TMEM184A: variants seen among roughly 807,000 people sequenced by gnomAD.
TMEM184A encodes sexually dimorphic, expressed in male gonads 1.
In TMEM184A, 40 loss-of-function variants were observed where a neutral mutation model predicts 39.5. The observed-to-expected ratio is 1.01, with a 90% CI of 0.79 to 1.32. TMEM184A has a LOEUF of 1.32. Among genes scored for constraint, TMEM184A ranks in the 40% most tolerant of loss-of-function variants. The pLI, the probability that TMEM184A is intolerant of heterozygous loss-of-function variation, is 0.00. For synonymous variants in TMEM184A, 280 were observed against 252.3 expected (o/e 1.11, Z -1.04); for missense variants, 603 against 568.8 (o/e 1.06, Z -0.61).
intron 8 of TMEM184A, among the ~76,000 whole-genome samples, 168 bp downstream of exon 8, chr7:1,547,574 G>A (rs1415599243): frequency 2.0e-5 from 3 of 152,046 alleles, no homozygotes; most frequent in Non-Finnish European, 2.9e-5. Context: ...GTCCGGGACC[G>A]CCTGGACCCC....
chr7:1,544,983 G>A lies in TMEM184A; in HGVS notation c.*1969C>T. 6.6e-6 allele frequency: 1 copy of A among 152,384 alleles called. No homozygotes were observed. The highest frequency in any genetic ancestry group is 1.5e-5 in the Non-Finnish European group (1 of 68,074). 9.4% of individuals were successfully genotyped at this position (152,384 alleles called of 1,614,324 possible). ...CTCAGCCCCTGACACCTCAGCCTCTGCCGCCCGGAGCCCAGGCGGTGTCTG... is the reference window on the plus strand; with the variant it reads ...CTCAGCCCCTGACACCTCAGCCTCTACCGCCCGGAGCCCAGGCGGTGTCTG... On this transcript the variant is annotated 3_prime_UTR_variant, in exon 9 of 9. Transcript: ENST00000297477.
chr7:1,548,066 C>A, intron 7 of TMEM184A, 127 bp from the exon 8 acceptor site: 1 of 1,097,030 alleles, frequency 9.1e-7, no homozygotes, highest in East Asian at 2.6e-5. Flanking sequence ...CGTCCCACCC[C>A]AGGAGACTGA....
rs960727252 is a variant in TMEM184A at position 1,546,755 on chromosome 7, CCT to C, written c.*195_*196del. 3.8e-6 allele frequency: 2 copies of C among 529,058 alleles called. No individual in the cohort carries two copies. The highest frequency in any genetic ancestry group is 6.6e-6 in the Non-Finnish European group (2 of 301,854). The allele number at this position is 529,058 out of a possible 1,614,324, so 32.8% of individuals were successfully genotyped here. On this transcript the variant is annotated 3_prime_UTR_variant, in exon 9 of 9. Coordinates refer to ENST00000297477, the MANE Select transcript of TMEM184A (RefSeq NM_001097620.2). ...GCCCTCTCCTGCGGTGGCGGGCCCA[CCT>C]GGGTGCCTGCCAGGGCCATCAGGTG...
Position 1,555,166 on chromosome 7 carries a change from A to T in TMEM184A, c.219+100T>A. 1.0e-6 allele frequency: 1 copy of T among 992,634 alleles called. No individual in the cohort carries two copies. Among genetic ancestry groups the T allele is most frequent in the Non-Finnish European group, 1.4e-6 (1 of 697,216 alleles). The allele number at this position is 992,634 out of a possible 1,614,324, so 61.5% of individuals were successfully genotyped here. On this transcript the variant is annotated intron_variant, in intron 2 of 8. Coordinates refer to ENST00000297477, the MANE Select transcript of TMEM184A (RefSeq NM_001097620.2). The surrounding 1 kb of genome is among the most constrained non-coding windows in gnomAD (Gnocchi z 5.2). ...TGCCCTGGCCGATCCCACTTCTGAC[A>T]GCGTCTATAGCAGCGGCACCCAGGG...
At chr7:1,549,832 GT>G in intron 6 of TMEM184A, 21 bp downstream of exon 6, 1 of 1,571,114 alleles carries the variant, frequency 6.4e-7, no homozygotes, top group Non-Finnish European at 8.6e-7. Context: ...CATGCCAGGT[GT>G]CCCCGCAGCT....
intron 7 of TMEM184A, 117 bp from the exon 8 acceptor site, chr7:1,548,056 C>T (rs957204067): frequency 2.6e-6 from 3 of 1,159,210 alleles, no homozygotes; most frequent in African/African-American, 3.1e-5. Context: ...CGTGTAGTCT[C>T]GTCCCACCCC....
chr7:1,551,029 C>A, intron 2 of TMEM184A, 47 bp from the exon 3 acceptor site: 1 of 1,533,322 alleles, frequency 6.5e-7, no homozygotes, highest in South Asian at 1.2e-5. Flanking sequence ...CCTGGTACCC[C>A]TGGACCAGCC....
At chr7:1,550,784 C>A in intron 3 of TMEM184A, 33 bp downstream of exon 3, 2 of 1,608,160 alleles carry the variant, frequency 1.2e-6, no homozygotes, top group Non-Finnish European at 8.5e-7. Context: ...TCTCTCCCTC[C>A]GCTCCCCCGA....
In TMEM184A at chr7:1,551,000, C is replaced by G. The variant is rs111757017; in HGVS notation, c.220-18G>C. On this transcript the variant is annotated intron_variant, in intron 2 of 8. Transcript: ENST00000297477. ...AGATAGATCTGGGCGCAGGAGGGGT[C>G]GCATGAGAGCCGGGCCCGCCTGGTA... is the stretch of plus-strand genomic sequence containing the variant. 104 of 1,602,836 alleles carry G rather than the reference C, an allele frequency of 6.5e-5. 5 individuals are homozygous for G. In the African/African-American group the frequency reaches 7.4e-4, roughly 11 times the overall value.
Position 1,547,071 on chromosome 7 carries a change from T to C in TMEM184A, c.1123A>G (p.Thr375Ala), listed in dbSNP as rs772901193. Residue 375 changes from threonine (T) to alanine (A), a missense_variant, in exon 9 of 9, where the codon ACG (threonine) becomes GCG (alanine). Physicochemically the swap from Thr to Ala is moderately conservative, Grantham distance 58. Coordinates refer to ENST00000297477, the MANE Select transcript of TMEM184A (RefSeq NM_001097620.2). Reference protein sequence around the residue: ...HNFSPAYQHYTQQATHEAPRP... With the variant: ...HNFSPAYQHYAQQATHEAPRP... Reference sequence around the variant, plus strand: ...GGCGCCTCGTGCGTGGCCTGCTGCGTGTAGTGCTGGTAGGCGGGGGAGAAG... The same window carrying C: ...GGCGCCTCGTGCGTGGCCTGCTGCGCGTAGTGCTGGTAGGCGGGGGAGAAG... 1.2e-6 allele frequency: 2 copies of C among 1,609,762 alleles called. No homozygotes were observed. Among genetic ancestry groups the C allele is most frequent in the South Asian group, 2.2e-5 (2 of 91,022 alleles).
intron 6 of TMEM184A, chr7:1,549,133 CTGTG>C (rs764620755): frequency 8.6e-6 from 4 of 463,744 alleles, no homozygotes; most frequent in African/African-American, 2.0e-5. Flanking sequence ...GTGGGGTGCG[CTGTG>C]TGTGTGCACA....
rs1169122805 is a variant in TMEM184A at position 1,547,865 on chromosome 7, C to T, written c.889G>A (p.Ala297Thr). The T allele has an allele frequency of 3.7e-6, 6 of 1,604,248 alleles. No homozygotes were observed. Among genetic ancestry groups the T allele is most frequent in the African/African-American group, 1.3e-5 (1 of 74,752 alleles). ...TGGTAGCCGGCGGCCAGCGTGCCAG[C>T]CCCCAGCTTGTTCCCGCCGCTGGTC... ...VETSGGNKLG[A>T]GTLAAGYQNF... is the part of the protein sequence containing the mutation. Residue 297 changes from alanine to threonine, a missense_variant, in exon 8 of 9, where the codon GCT (alanine) becomes ACT (threonine). Coordinates refer to ENST00000297477, the MANE Select transcript of TMEM184A (RefSeq NM_001097620.2).
Position 1,543,132 on chromosome 7 carries a change from T to G in TMEM184A, c.*3820A>C. ...CCCCAATCCCAGGGGACCCTGCCTG[T>G]CCCTCACCGGGGTCAGGATCCGGGC... On this transcript the variant is annotated 3_prime_UTR_variant, in exon 9 of 9. Coordinates refer to ENST00000297477, the MANE Select transcript of TMEM184A (RefSeq NM_001097620.2). The G allele has an allele frequency of 6.6e-6, 1 of 151,464 alleles. No individual in the cohort carries two copies. The highest frequency in any genetic ancestry group is 2.0e-4 in the East Asian group (1 of 5,122). 9.4% of individuals were successfully genotyped at this position (151,464 alleles called of 1,614,324 possible). A position where few individuals can be genotyped will look rare whatever the true frequency, so the allele number is the denominator to read the frequency against.
At chr7:1,551,715 T>A (rs1784607688) in intron 2 of TMEM184A, among the ~76,000 whole-genome samples, 1 of 151,976 alleles carries the variant, frequency 6.6e-6, no homozygotes, top group Non-Finnish European at 1.5e-5. Flanking sequence ...GGTGGGTGGA[T>A]CATTTGAGGT....
At chr7:1,547,333 C>G in intron 8 of TMEM184A, 152 bp from the exon 9 acceptor site, 1 of 611,080 alleles carries the variant, frequency 1.6e-6, no homozygotes, top group East Asian at 2.8e-5. Context: ...GGACCCCAGC[C>G]CAGCTTGCTC....
chr7:1,555,310 A>G lies in TMEM184A; in HGVS notation c.175T>C (p.Ser59Pro). 1 of 1,607,684 alleles carries G rather than the reference A, an allele frequency of 6.2e-7. No homozygotes were observed. Among genetic ancestry groups the G allele is most frequent in the East Asian group, 2.2e-5 (1 of 44,700 alleles). The change falls in exon 2 of 9, where the codon TCG (serine) becomes CCG (proline). Residue 59 changes from serine to proline, a missense_variant. Coordinates refer to ENST00000297477, the MANE Select transcript of TMEM184A (RefSeq NM_001097620.2). The surrounding 1 kb of genome is among the most constrained non-coding windows in gnomAD (Gnocchi z 5.2). ...AGGGCAGTCCACACGAAGATCCCCGAGACGCCTCGGGCCAGTGCGGAGGTG... is the reference window on the plus strand; with the variant it reads ...AGGGCAGTCCACACGAAGATCCCCGGGACGCCTCGGGCCAGTGCGGAGGTG... ...FLTSALARGV[S>P]GIFVWTALVL...
At position 1,547,040 on chromosome 7, in the gene TMEM184A, G is replaced by A. The variant is rs753122510; in HGVS notation, c.1154C>T (p.Pro385Leu). The change falls in exon 9 of 9, where the codon CCC (proline) becomes CTC (leucine). Residue 385 changes from proline (P) to leucine (L), a missense_variant. Pro to Leu is a moderately conservative substitution (Grantham distance 98). Transcript: ENST00000297477. ...TQQATHEAPR[P>L]GTHPSGGSGG... Reference sequence around the variant, plus strand: ...GGAGCCGCCGCTGGGGTGGGTGCCGGGCCTGGGCGCCTCGTGCGTGGCCTG... The same window carrying A: ...GGAGCCGCCGCTGGGGTGGGTGCCGAGCCTGGGCGCCTCGTGCGTGGCCTG... The A allele has an allele frequency of 6.2e-7, 1 of 1,606,748 alleles. No homozygotes were observed. The highest frequency in any genetic ancestry group is 8.5e-7 in the Non-Finnish European group (1 of 1,179,368).
chr7:1,555,620 C>T lies in TMEM184A; in HGVS notation c.1-136G>A, dbSNP rs940295268. On this transcript the variant is annotated intron_variant, in intron 1 of 8. Transcript: ENST00000297477. This position sits in a 1 kb window ranked among gnomAD's most constrained non-coding sequence, Gnocchi z 5.2. ...GAGCCACCCACCAGGCCGCACCCCC[C>T]ACACGGACACCAGCGCCAGGCCCGG... The T allele has an allele frequency of 9.9e-6, 7 of 707,686 alleles. No homozygotes were observed. Among genetic ancestry groups the T allele is most frequent in the South Asian group, 6.1e-5 (4 of 65,588 alleles). The allele number at this position is 707,686 out of a possible 1,614,324, so 43.8% of individuals were successfully genotyped here.
In TMEM184A at chr7:1,547,898, C is replaced by T. The variant is rs1361737466; in HGVS notation, c.856G>A (p.Glu286Lys). 4 of 1,592,444 alleles carry T rather than the reference C, an allele frequency of 2.5e-6. No homozygotes were observed. The African/African-American group carries it at 4.0e-5, about 16-fold the overall frequency. ...AILERCGVIP[E>K]VETSGGNKLG... ...TTGTTCCCGCCGCTGGTCTCCACCT[C>T]CGGGATGACCCCGCACCGCTCCAGG... The change falls in exon 8 of 9, where the codon GAG becomes AAG. Residue 286 changes from glutamate (E) to lysine (K), a missense_variant. Physicochemically the swap from Glu to Lys is moderately conservative, Grantham distance 56. Coordinates refer to ENST00000297477, the MANE Select transcript of TMEM184A (RefSeq NM_001097620.2).
Sources: gnomAD v4.1 joint callset for allele counts (sites outside exome capture counted in the v4.1 genomes callset) on GRCh38, gnomAD v4.1.1 for gene constraint, Gnocchi (gnomAD v3.1) non-coding constraint, MANE v1.5 for transcripts, NCBI Gene and HGNC (gene_info 2026-07-23, HGNC 2026-07-21) for gene names.